The following MTA3 variants were observed in gnomAD, a reference collection of about 807,000 sequenced individuals.
The protein encoded by MTA3 is metastasis associated 1 family member 3.
Under a neutral mutation model 83.5 loss-of-function variants are expected in MTA3, and 34 were observed. The ratio of observed to expected loss-of-function variants is 0.41; its 90% CI spans 0.31 to 0.54. The LOEUF is 0.54. Ranked by LOEUF, MTA3 falls within the 20% of genes least tolerant of loss-of-function variation. The probability of loss-of-function intolerance (pLI) is 0.33; values close to 1 mark genes in which losing one functional copy is unlikely to be tolerated. For missense variants in MTA3, 761 were observed against 726.4 expected (o/e 1.05, Z -0.55); for synonymous variants, 303 against 252.7 (o/e 1.20, Z -1.89).
At chr2:42,710,619 T>C (rs1221514084) in intron 14 of MTA3, among the ~76,000 whole-genome samples, 3 of 150,164 alleles carry the variant, frequency 2.0e-5, no homozygotes, top group Non-Finnish European at 4.4e-5. Context: ...GGGATTACTA[T>C]ATTAGATTCA....
chr2:42,639,448 T>G (rs1179144471), intron 4 of MTA3, among the ~76,000 whole-genome samples: 1 of 152,174 alleles, frequency 6.6e-6, no homozygotes, highest in Non-Finnish European at 1.5e-5. Flanking sequence ...AGGGTCATTT[T>G]GAAAGTGCTC....
chr2:42,509,820 A>G (rs1214953611), intron 2 of MTA3, among the ~76,000 whole-genome samples: 1 of 152,014 alleles, frequency 6.6e-6, no homozygotes, highest in Non-Finnish European at 1.5e-5. Context: ...ATAAATAAAT[A>G]TTACTGTTGA....
intron 2 of MTA3, among the ~76,000 whole-genome samples, chr2:42,553,528 G>A (rs1177033947): frequency 2.6e-5 from 4 of 151,600 alleles, no homozygotes; most frequent in Non-Finnish European, 5.9e-5. Context: ...CTGAGGTCAG[G>A]AGTTCGAAAC....
intron 2 of MTA3, among the ~76,000 whole-genome samples, chr2:42,539,022 C>T (rs900889510): frequency 6.6e-6 from 1 of 151,856 alleles, no homozygotes; most frequent in African/African-American, 2.4e-5. Context: ...GATCCACCCG[C>T]CTCGGCCTCC....
chr2:42,579,229 C>T lies in MTA3; in HGVS notation c.190+29C>T, dbSNP rs200579520. 1.2e-4 allele frequency: 179 copies of T among 1,486,152 alleles called. No homozygotes were observed. In the African/African-American group the frequency reaches 2.2e-3, roughly 18 times the overall value. 92.1% of individuals were successfully genotyped at this position (1,486,152 alleles called of 1,614,324 possible). A position where few individuals can be genotyped will look rare whatever the true frequency, so the allele number is the denominator to read the frequency against. On this transcript the variant is annotated intron_variant, in intron 3 of 16. Transcript: ENST00000405094. ...AGTTGTTTTTCTCTGATTAAAAAAA[C>T]GTTTTAAGTCTTGTGTTTTTTGTGA...
rs372593187 is a variant in MTA3, at chr2:42,653,613, C to G, written c.500-2587C>G. Among the ~76,000 whole-genome samples, 70 of 152,266 alleles carry G rather than the reference C, an allele frequency of 4.6e-4. 3 individuals carry two copies. In the South Asian group the frequency reaches 0.014, roughly 31 times the overall value. ...ATTTTTTGTTCTTGCTATTTTTCTT[C>G]TCAGCCTATGGTTGTCTGTGTTTTT... On this transcript the variant is annotated intron_variant, in intron 6 of 16. Coordinates refer to ENST00000405094, the MANE Select transcript of MTA3 (RefSeq NM_001330442.2).
intron 6 of MTA3, among the ~76,000 whole-genome samples, chr2:42,651,363 C>A (rs1386122951): frequency 6.6e-6 from 1 of 152,116 alleles, no homozygotes; most frequent in Non-Finnish European, 1.5e-5. Flanking sequence ...AATAAATTAG[C>A]TTGCTCAACT....
chr2:42,507,596 T>C (rs1159794911), intron 2 of MTA3, among the ~76,000 whole-genome samples: 1 of 152,060 alleles, frequency 6.6e-6, no homozygotes, highest in East Asian at 1.9e-4. Flanking sequence ...ATCTTTTTTT[T>C]TAACTGTGTG....
chr2:42,581,360 CTTT>C (rs778419810), intron 3 of MTA3, among the ~76,000 whole-genome samples: 1 of 88,270 alleles, frequency 1.1e-5, no homozygotes, highest in Non-Finnish European at 2.3e-5. Context: ...TCCCAAATTG[CTTT>C]TTTTTTTTTT....
intron 2 of MTA3, chr2:42,511,656 C>T: frequency 6.6e-6 from 1 of 152,476 alleles, no homozygotes; most frequent in Non-Finnish European, 1.5e-5. Flanking sequence ...GCAGAGGTTG[C>T]AGTGAGCCAA....
At chr2:42,717,591 AT>A (rs1667116890) in intron 14 of MTA3, among the ~76,000 whole-genome samples, 1 of 152,194 alleles carries the variant, frequency 6.6e-6, no homozygotes, top group African/African-American at 2.4e-5. Flanking sequence ...ATGAAAACTG[AT>A]TAGCTAATAC....
chr2:42,652,137 G>C (rs1017065756), intron 6 of MTA3, among the ~76,000 whole-genome samples: 1 of 152,104 alleles, frequency 6.6e-6, no homozygotes, highest in Admixed American at 6.6e-5. Flanking sequence ...GGTTACAGGA[G>C]AGCAGGGTTA....
At chr2:42,701,319 G>T (rs965026380) in intron 11 of MTA3, among the ~76,000 whole-genome samples, 1 of 139,696 alleles carries the variant, frequency 7.2e-6, no homozygotes, top group Non-Finnish European at 1.5e-5. Flanking sequence ...AAAATTAAAG[G>T]CCAGGCATGG....
intron 14 of MTA3, among the ~76,000 whole-genome samples, chr2:42,717,353 C>T (rs1422299161): frequency 6.6e-6 from 1 of 151,662 alleles, no homozygotes; most frequent in Admixed American, 6.6e-5. Context: ...ACATTTTTGT[C>T]AAATATTTGA....
At chr2:42,671,875 ATGCT>A (rs1279266257) in intron 8 of MTA3, among the ~76,000 whole-genome samples, 2 of 152,172 alleles carry the variant, frequency 1.3e-5, no homozygotes, top group African/African-American at 4.8e-5. Context: ...TCAAGGTCTG[ATGCT>A]TGTCACATCA....
intron 9 of MTA3, among the ~76,000 whole-genome samples, chr2:42,691,790 C>T (rs1692923243): frequency 6.6e-6 from 1 of 152,168 alleles, no homozygotes; most frequent in Admixed American, 6.5e-5. Context: ...ACTGGATATA[C>T]TATTCTTGGG....
At chr2:42,648,129 C>G (rs997279039) in intron 6 of MTA3, among the ~76,000 whole-genome samples, 2 of 152,252 alleles carry the variant, frequency 1.3e-5, no homozygotes, top group African/African-American at 4.8e-5. Context: ...GCATGAGCCT[C>G]TGCACCCAGC....
chr2:42,550,780 G>C (rs1677071827), intron 2 of MTA3, among the ~76,000 whole-genome samples: 1 of 152,176 alleles, frequency 6.6e-6, no homozygotes, highest in African/African-American at 2.4e-5. Context: ...AGTGGCTCAT[G>C]CCTGTAATCC....
intron 4 of MTA3, among the ~76,000 whole-genome samples, chr2:42,612,208 C>A (rs1684306497): frequency 1.3e-5 from 2 of 151,962 alleles, no homozygotes; most frequent in Non-Finnish European, 2.9e-5. Flanking sequence ...TGCTAAAGAG[C>A]CATATGCACT....
Sources: allele counts gnomAD v4.1 joint callset (sites outside exome capture counted in the v4.1 genomes callset), GRCh38; gene constraint gnomAD v4.1.1; transcripts MANE v1.5; gene names NCBI Gene and HGNC (gene_info 2026-07-23, HGNC 2026-07-21).